UTRN: variants seen among roughly 807,000 people sequenced by gnomAD.
UTRN encodes utrophin.
Under a neutral mutation model 463.9 loss-of-function variants are expected in UTRN, and 283 were observed. The ratio of observed to expected loss-of-function variants is 0.61; its 90% CI spans 0.55 to 0.67. UTRN has a LOEUF of 0.67. Ranked by LOEUF, UTRN falls within the 30% of genes least tolerant of loss-of-function variation. UTRN has a pLI of 0.00. For synonymous variants in UTRN, 1,442 were observed against 1,431.5 expected (o/e 1.01, Z -0.17); for missense variants, 3,922 against 4,084.3 (o/e 0.96, Z 1.08).
chr6:144,752,639 A>G (rs1305160545), intron 56 of UTRN, among the ~76,000 whole-genome samples: 1 of 152,240 alleles, frequency 6.6e-6, no homozygotes, highest in African/African-American at 2.4e-5. Flanking sequence ...TAGTCTTTGC[A>G]AAGAGTGTTA....
intron 9 of UTRN, among the ~76,000 whole-genome samples, chr6:144,430,278 G>A (rs1467590564): frequency 1.3e-5 from 2 of 152,102 alleles, no homozygotes; most frequent in African/African-American, 4.8e-5. Flanking sequence ...TCATTCATCA[G>A]GATATAAATG....
chr6:144,487,704 G>T lies in UTRN; in HGVS notation c.3972+7G>T, dbSNP rs779121044. The T allele has an allele frequency of 1.3e-5, 21 of 1,606,810 alleles. No individual in the cohort carries two copies. The highest frequency in any genetic ancestry group is 1.7e-5 in the Non-Finnish European group (20 of 1,175,846). On this transcript the variant is annotated splice_region_variant and intron_variant, in intron 29 of 74. Transcript: ENST00000367545. ...TGAAGATCTAAGTCACCTGGTAAGA[G>T]TTGGGACATACATGGGTGTTGATTA... is the stretch of plus-strand genomic sequence containing the variant.
chr6:144,354,515 G>A (rs1462874709), intron 2 of UTRN, among the ~76,000 whole-genome samples: 2 of 152,186 alleles, frequency 1.3e-5, no homozygotes, highest in Admixed American at 6.5e-5. Flanking sequence ...TTCTCTGGCT[G>A]GGTAGTGGCC....
chr6:144,454,245 T>G (rs1031157442), intron 19 of UTRN, among the ~76,000 whole-genome samples: 15 of 152,190 alleles, frequency 9.9e-5, no homozygotes, highest in Admixed American at 9.8e-4. Flanking sequence ...GGAAACGAAG[T>G]TACGTTAAAT....
rs34622000 is a variant in UTRN, at chr6:144,532,134, C to CAATAAATA, written c.6058-931_6058-924dup. Among the ~76,000 whole-genome samples, 417 of 151,094 alleles carry CAATAAATA rather than the reference C, an allele frequency of 2.8e-3. 2 individuals are homozygous for CAATAAATA. Among genetic ancestry groups the CAATAAATA allele is most frequent in the African/African-American group, 7.3e-3 (298 of 41,096 alleles). On this transcript the variant is annotated intron_variant, in intron 42 of 74. Transcript: ENST00000367545. The stretch of plus-strand genomic sequence containing the variant: ...CCTGGGTGACAGAGCAATACTGTGT[C>CAATAAATA]AATAAATAAATAAATAAATAAATAA...
At chr6:144,752,561 C>G (rs954128052) in intron 56 of UTRN, among the ~76,000 whole-genome samples, 1 of 152,022 alleles carries the variant, frequency 6.6e-6, no homozygotes, top group African/African-American at 2.4e-5. Context: ...TATCAAAGCA[C>G]TCAATGGTTC....
At chr6:144,402,522 G>A (rs754191184) in intron 2 of UTRN, among the ~76,000 whole-genome samples, 10 of 151,812 alleles carry the variant, frequency 6.6e-5, no homozygotes, top group African/African-American at 1.2e-4. Flanking sequence ...AAACCAAAAC[G>A]GATAATGGTT....
chr6:144,613,229 G>A (rs1015253390), intron 51 of UTRN, among the ~76,000 whole-genome samples: 1 of 151,980 alleles, frequency 6.6e-6, no homozygotes, highest in Non-Finnish European at 1.5e-5. Flanking sequence ...AGAGAAGGAA[G>A]GGGAAATTGT....
chr6:144,339,810 T>C (rs571534571), intron 2 of UTRN, among the ~76,000 whole-genome samples: 1 of 152,326 alleles, frequency 6.6e-6, no homozygotes, highest in East Asian at 1.9e-4. Flanking sequence ...CTGGTTTCTA[T>C]TGTAAGATTA....
intron 25 of UTRN, among the ~76,000 whole-genome samples, chr6:144,479,201 C>T (rs1271309755): frequency 6.7e-6 from 1 of 149,902 alleles, no homozygotes; most frequent in Non-Finnish European, 1.5e-5. Flanking sequence ...TCACTGCAAC[C>T]TCTGCCACCC....
intron 12 of UTRN, among the ~76,000 whole-genome samples, chr6:144,439,260 A>G (rs1786891615): frequency 6.6e-6 from 1 of 152,176 alleles, no homozygotes; most frequent in South Asian, 2.1e-4. Flanking sequence ...GTCAGGCATT[A>G]AGTTAGGAAC....
At chr6:144,309,606 C>G (rs990589021) in intron 2 of UTRN, among the ~76,000 whole-genome samples, 1 of 152,236 alleles carries the variant, frequency 6.6e-6, no homozygotes, top group African/African-American at 2.4e-5. Context: ...ACGATCTCCA[C>G]TGCTACTGTC....
chr6:144,682,959 C>G (rs1562759462), intron 52 of UTRN, among the ~76,000 whole-genome samples: 1 of 152,062 alleles, frequency 6.6e-6, no homozygotes, highest in Non-Finnish European at 1.5e-5. Flanking sequence ...ATGTTTTTCT[C>G]TCGGTCGGTA....
At chr6:144,582,296 T>A (rs777066525) in intron 51 of UTRN, among the ~76,000 whole-genome samples, 3 of 152,174 alleles carry the variant, frequency 2.0e-5, no homozygotes, top group Non-Finnish European at 4.4e-5. Flanking sequence ...CGGTTACCAG[T>A]TTGAGCAGGA....
chr6:144,324,180 T>G (rs1448894307), intron 2 of UTRN, among the ~76,000 whole-genome samples: 1 of 152,206 alleles, frequency 6.6e-6, no homozygotes, highest in Non-Finnish European at 1.5e-5. Context: ...AGGTGAACTT[T>G]GAGCTTCTGT....
chr6:144,368,316 T>A (rs1779682804), intron 2 of UTRN, among the ~76,000 whole-genome samples: 1 of 152,176 alleles, frequency 6.6e-6, no homozygotes, highest in Admixed American at 6.5e-5. Flanking sequence ...ACATATGACA[T>A]TAAAGGAATA....
intron 2 of UTRN, chr6:144,344,275 T>C (rs1292687590): frequency 1.5e-6 from 2 of 1,304,092 alleles, no homozygotes; most frequent in Non-Finnish European, 2.0e-6. Flanking sequence ...CCAGGGCATG[T>C]AGCTCTCCAG....
chr6:144,752,041 CTT>C, intron 56 of UTRN, 89 bp downstream of exon 56: 1 of 1,274,012 alleles, frequency 7.8e-7, no homozygotes, highest in South Asian at 2.3e-5. Flanking sequence ...ACCGTTTTCT[CTT>C]TCTTTGCTGA....
intron 54 of UTRN, among the ~76,000 whole-genome samples, chr6:144,744,473 A>G (rs1307357090): frequency 6.7e-6 from 1 of 148,364 alleles, no homozygotes; most frequent in Admixed American, 6.8e-5. Context: ...TTACTTATGT[A>G]TATTATACAT....
Sources: gnomAD v4.1 joint callset for allele counts (sites outside exome capture counted in the v4.1 genomes callset) on GRCh38, gnomAD v4.1.1 for gene constraint, MANE v1.5 for transcripts, NCBI Gene and HGNC (gene_info 2026-07-23, HGNC 2026-07-21) for gene names.